Variants in KIAA1217 observed in about 807,000 individuals in gnomAD.
KIAA1217 encodes sickle tail protein homolog.
In KIAA1217, 88 loss-of-function variants were observed where a neutral mutation model predicts 163.9. The observed-to-expected ratio is 0.54, with a 90% CI of 0.45 to 0.64. The LOEUF is 0.64. KIAA1217 is among the 30% of genes least tolerant of loss of function. KIAA1217 has a pLI of 0.00. For synonymous variants in KIAA1217, 903 were observed against 923.1 expected, an observed-to-expected ratio of 0.98 and a Z score of 0.39; for missense variants, 2,372 against 2,475.0, an observed-to-expected ratio of 0.96 and a Z score of 0.88.
At chr10:24,420,978 G>A (rs2058685528) in intron 3 of KIAA1217, among the ~76,000 whole-genome samples, 1 of 150,508 alleles carries the variant, frequency 6.6e-6, no homozygotes, top group Admixed American at 6.6e-5. Flanking sequence ...CCAGATTGAT[G>A]TTATAAGTGG....
chr10:23,696,174 C>G (rs978254178), intron 1 of KIAA1217, among the ~76,000 whole-genome samples: 4 of 152,210 alleles, frequency 2.6e-5, no homozygotes, highest in Admixed American at 2.6e-4. Flanking sequence ...AGGTTTTCTT[C>G]TTTAACTGAC....
chr10:23,900,287 C>T (rs770044751), intron 1 of KIAA1217, among the ~76,000 whole-genome samples: 5 of 152,010 alleles, frequency 3.3e-5, no homozygotes, highest in African/African-American at 7.2e-5. Flanking sequence ...ATTACAAGCA[C>T]GAGCCACCAC....
At chr10:23,918,783 A>G (rs1310091947) in intron 1 of KIAA1217, among the ~76,000 whole-genome samples, 1 of 151,704 alleles carries the variant, frequency 6.6e-6, no homozygotes, top group East Asian at 1.9e-4. Flanking sequence ...GTAAGTGACA[A>G]TAACAGCACC....
At chr10:23,757,309 A>G (rs1404366231) in intron 1 of KIAA1217, among the ~76,000 whole-genome samples, 1 of 152,136 alleles carries the variant, frequency 6.6e-6, no homozygotes, top group Non-Finnish European at 1.5e-5. Context: ...TGTTTTCCAC[A>G]GTGACTGTAC....
chr10:24,488,625 TAGAA>T (rs1455387905), intron 6 of KIAA1217, among the ~76,000 whole-genome samples: 2 of 152,210 alleles, frequency 1.3e-5, no homozygotes. Context: ...CTGGCAGAAA[TAGAA>T]AGGTCATTGC....
At chr10:23,997,983 CT>C (rs75499779) in intron 1 of KIAA1217, among the ~76,000 whole-genome samples, 44,759 of 146,964 alleles carry the variant, frequency 0.3, 7,195 homozygotes, top group Non-Finnish European at 0.36. Flanking sequence ...AGGGGGCTTT[CT>C]TTTTTTTTTT....
intron 2 of KIAA1217, among the ~76,000 whole-genome samples, chr10:24,264,416 GCAGA>G (rs746283495): frequency 6.6e-5 from 10 of 152,124 alleles, no homozygotes; most frequent in Middle Eastern, 3.4e-3. Context: ...ATGAGACAAA[GCAGA>G]CAGACACAGA....
chr10:24,511,220 G>C (rs11014127), intron 9 of KIAA1217, among the ~76,000 whole-genome samples: 1 of 150,734 alleles, frequency 6.6e-6, no homozygotes, highest in South Asian at 2.1e-4. Flanking sequence ...GGCTTGAGCA[G>C]AGTGCCAGGT....
intron 1 of KIAA1217, among the ~76,000 whole-genome samples, chr10:23,881,110 A>T (rs923336644): frequency 6.6e-6 from 1 of 151,914 alleles, no homozygotes; most frequent in East Asian, 2.0e-4. Context: ...AAAAAAAAAA[A>T]TGCTGAAGCC....
chr10:24,125,730 G>C (rs2063451877), intron 2 of KIAA1217, among the ~76,000 whole-genome samples: 1 of 151,784 alleles, frequency 6.6e-6, no homozygotes, highest in Non-Finnish European at 1.5e-5. Context: ...AGTCCATTAG[G>C]CTTATTTTTT....
chr10:23,820,703 G>A (rs1837577894), intron 1 of KIAA1217, among the ~76,000 whole-genome samples: 1 of 152,146 alleles, frequency 6.6e-6, no homozygotes, highest in African/African-American at 2.4e-5. Flanking sequence ...GTACAAGGTG[G>A]GGCTAAAGAG....
intron 5 of KIAA1217, among the ~76,000 whole-genome samples, chr10:24,454,098 C>T (rs554245718): frequency 4.6e-5 from 7 of 151,934 alleles, no homozygotes; most frequent in African/African-American, 1.7e-4. Context: ...CGAAAAAAAA[C>T]CATTTTGATG....
chr10:24,032,577 A>G (rs1334691776), intron 2 of KIAA1217, among the ~76,000 whole-genome samples: 1 of 152,132 alleles, frequency 6.6e-6, no homozygotes, highest in African/African-American at 2.4e-5. Flanking sequence ...CCTCAGAACT[A>G]TGTAAGTCTC....
chr10:24,406,252 T>G (rs2057199441), intron 3 of KIAA1217, among the ~76,000 whole-genome samples: 1 of 152,200 alleles, frequency 6.6e-6, no homozygotes, highest in African/African-American at 2.4e-5. Flanking sequence ...TTGTCCCATA[T>G]GGATGAGAAA....
Position 24,437,640 on chromosome 10 carries a change from T to C in KIAA1217, c.753-746T>C, listed in dbSNP as rs528031589. On this transcript the variant is annotated intron_variant, in intron 4 of 20. Transcript: ENST00000376454. ...TCATAGATATTCATGTGCTCTTCGA[T>C]AATTTTAAGGTAGGCTCTGATCCTG... 3.9e-5 allele frequency among the ~76,000 whole-genome samples: 6 copies of C among 152,322 alleles called. No individual in the cohort carries two copies. In the East Asian group the frequency reaches 1.2e-3, roughly 29 times the overall value.
chr10:24,195,276 T>C (rs2066931908), intron 2 of KIAA1217, among the ~76,000 whole-genome samples: 1 of 152,218 alleles, frequency 6.6e-6, no homozygotes. Context: ...TTAAGCTTCC[T>C]GTATTTCCAG....
intron 1 of KIAA1217, among the ~76,000 whole-genome samples, chr10:23,855,840 C>T (rs1410728868): frequency 6.6e-6 from 1 of 152,206 alleles, no homozygotes; most frequent in African/African-American, 2.4e-5. Context: ...ATGTAGTTCT[C>T]AAGCCTTGGC....
chr10:24,237,884 T>A (rs2072502444), intron 2 of KIAA1217, among the ~76,000 whole-genome samples: 1 of 152,206 alleles, frequency 6.6e-6, no homozygotes, highest in African/African-American at 2.4e-5. Flanking sequence ...AAAGGTAACC[T>A]CCCATCTGTT....
intron 1 of KIAA1217, among the ~76,000 whole-genome samples, chr10:23,869,128 T>TTG (rs1588982938): frequency 3.0e-5 from 4 of 132,768 alleles, no homozygotes; most frequent in East Asian, 4.4e-4. Context: ...AATGTAGTTT[T>TTG]TTTTTTTTTT....
Sources: gnomAD v4.1 joint callset for allele counts (sites outside exome capture counted in the v4.1 genomes callset) on GRCh38, gnomAD v4.1.1 for gene constraint, MANE v1.5 for transcripts, NCBI Gene and HGNC (gene_info 2026-07-23, HGNC 2026-07-21) for gene names.